The following DGLUCY variants were observed in gnomAD, a reference collection of about 807,000 sequenced individuals.
DGLUCY encodes the protein D-glutamate cyclase.
Under a neutral mutation model 58.5 loss-of-function variants are expected in DGLUCY, and 58 were observed. That is an observed-to-expected ratio of 0.99 (90% CI 0.80 to 1.23). The LOEUF (loss-of-function observed/expected upper bound fraction) is 1.23, where lower values mean the gene tolerates loss of function less well. DGLUCY is among the 50% of genes most tolerant of loss of function. DGLUCY has a pLI of 0.00. For missense variants in DGLUCY, 779 were observed against 784.7 expected (o/e 0.99, Z 0.09); for synonymous variants, 325 against 314.1 (o/e 1.03, Z -0.37).
chr14:91,109,633 A>C (rs2044660016), upstream of DGLUCY, among the ~76,000 whole-genome samples: 1 of 152,150 alleles, frequency 6.6e-6, no homozygotes, highest in Non-Finnish European at 1.5e-5. Context: ...TGGCTCCCAG[A>C]TGGCCACCTT....
rs1340893149 is a variant in DGLUCY, at chr14:91,191,893, G to A, written c.1195+2723G>A. 2.6e-5 allele frequency among the ~76,000 whole-genome samples: 4 copies of A among 152,114 alleles called. No individual in the cohort carries two copies. The East Asian group carries it at 7.7e-4, about 29-fold the overall frequency. ...GGTTTAGGGGTAAATCAAGAGTCCA[G>A]GTTTGACATTTGCGCCCTGATGGAA... is the stretch of plus-strand genomic sequence containing the variant. On this transcript the variant is annotated intron_variant, in intron 9 of 13. Transcript: ENST00000256324.
At chr14:91,215,908 G>A (rs746878703) in intron 13 of DGLUCY, 1 of 476,770 alleles carries the variant, frequency 2.1e-6, no homozygotes. Flanking sequence ...CATACTGTTA[G>A]TGGTGGGCAG....
intron 1 of DGLUCY, among the ~76,000 whole-genome samples, chr14:91,135,680 A>G (rs12883886): frequency 0.59 from 82,737 of 141,184 alleles, 24,967 homozygotes; most frequent in East Asian, 0.92. Context: ...AAAAACAAGT[A>G]TGGTATAGGC....
intron 5 of DGLUCY, among the ~76,000 whole-genome samples, chr14:91,172,107 G>A (rs2048602966): frequency 6.6e-6 from 1 of 151,946 alleles, no homozygotes; most frequent in South Asian, 2.1e-4. Flanking sequence ...TTGCTCAGTT[G>A]CCCAGGCTGG....
At chr14:91,169,513 G>A (rs1432329388) in intron 4 of DGLUCY, among the ~76,000 whole-genome samples, 1 of 151,736 alleles carries the variant, frequency 6.6e-6, no homozygotes, top group African/African-American at 2.4e-5. Context: ...AGGTTCAAGC[G>A]ATTCTCCTGC....
intron 1 of DGLUCY, among the ~76,000 whole-genome samples, chr14:91,150,814 G>C (rs1004016722): frequency 1.3e-5 from 2 of 152,142 alleles, no homozygotes; most frequent in Non-Finnish European, 2.9e-5. Flanking sequence ...ACAACATACA[G>C]TTTACCATTT....
intron 1 of DGLUCY, among the ~76,000 whole-genome samples, chr14:91,124,127 C>T (rs1472158397): frequency 6.6e-6 from 1 of 151,872 alleles, no homozygotes; most frequent in Non-Finnish European, 1.5e-5. Flanking sequence ...GGGGTTTCAC[C>T]ATGTTGGCTG....
intron 1 of DGLUCY, among the ~76,000 whole-genome samples, chr14:91,097,468 T>C (rs982477573): frequency 6.6e-6 from 1 of 152,168 alleles, no homozygotes; most frequent in African/African-American, 2.4e-5. Context: ...TCCATGAATA[T>C]GCAAAAAATT....
intron 1 of DGLUCY, among the ~76,000 whole-genome samples, chr14:91,077,486 G>A (rs1198264032): frequency 6.6e-6 from 1 of 151,824 alleles, no homozygotes; most frequent in Admixed American, 6.6e-5. Flanking sequence ...GGGCACGGTG[G>A]CTCACACCTG....
intron 1 of DGLUCY, among the ~76,000 whole-genome samples, chr14:91,126,926 G>A (rs2045721210): frequency 6.6e-6 from 1 of 152,054 alleles, no homozygotes; most frequent in Admixed American, 6.6e-5. Flanking sequence ...TGACTGCCTG[G>A]CATCCATCCA....
chr14:91,211,735 T>C (rs1176418057), intron 12 of DGLUCY, among the ~76,000 whole-genome samples: 2 of 152,224 alleles, frequency 1.3e-5, no homozygotes, highest in East Asian at 3.8e-4. Context: ...ATAAAACTCC[T>C]GTAAGGTAAC....
intron 1 of DGLUCY, among the ~76,000 whole-genome samples, chr14:91,146,513 T>A (rs2047021615): frequency 6.6e-6 from 1 of 152,032 alleles, no homozygotes; most frequent in South Asian, 2.1e-4. Flanking sequence ...CGAAAACATC[T>A]CATATGGGGC....
chr14:91,173,625 C>A, intron 6 of DGLUCY, 186 bp downstream of exon 6: 2 of 736,692 alleles, frequency 2.7e-6, no homozygotes, highest in Non-Finnish European at 4.1e-6. Flanking sequence ...GAGTTTGCCA[C>A]GTTCCTAAGC....
chr14:91,062,558 A>AAAT (rs1555386902), intron 1 of DGLUCY, among the ~76,000 whole-genome samples: 7 of 23,696 alleles, frequency 3.0e-4, no homozygotes, highest in Non-Finnish European at 3.8e-4. Flanking sequence ...AAAAAAAAAA[A>AAAT]ATATATATAT....
At position 91,199,870 on chromosome 14, in the gene DGLUCY, T is replaced by C; in HGVS notation, c.1409T>C (p.Leu470Pro). Reference sequence around the variant, plus strand: ...GTTGACCCCATTGACGATCTTTTTCTTGCTGCGAAGAAGATTCCTGGAATC... The same window carrying C: ...GTTGACCCCATTGACGATCTTTTTCCTGCTGCGAAGAAGATTCCTGGAATC... ...HLVDPIDDLF[L>P]AAKKIPGISS... The change falls in exon 11 of 14, where the codon CTT becomes CCT. Residue 470 changes from leucine to proline, a missense_variant. Leu to Pro is a moderately conservative substitution (Grantham distance 98). Coordinates refer to ENST00000256324, the MANE Select transcript of DGLUCY (RefSeq NM_001102368.3). 1.2e-6 allele frequency: 2 copies of C among 1,614,208 alleles called. No individual in the cohort carries two copies. The highest frequency in any genetic ancestry group is 1.7e-6 in the Non-Finnish European group (2 of 1,180,036).
chr14:91,206,616 C>G (rs1884749848), intron 12 of DGLUCY, among the ~76,000 whole-genome samples: 1 of 152,084 alleles, frequency 6.6e-6, no homozygotes, highest in African/African-American at 2.4e-5. Flanking sequence ...CTCCTGACCT[C>G]AGGTGATCCA....
At chr14:91,207,350 A>T (rs896989490) in intron 12 of DGLUCY, among the ~76,000 whole-genome samples, 1 of 152,156 alleles carries the variant, frequency 6.6e-6, no homozygotes, top group Non-Finnish European at 1.5e-5. Context: ...GGGAAAAAAA[A>T]ACCCACAACA....
intron 1 of DGLUCY, among the ~76,000 whole-genome samples, chr14:91,117,076 G>C (rs976094991): frequency 3.3e-5 from 5 of 152,172 alleles, no homozygotes; most frequent in African/African-American, 9.7e-5. Flanking sequence ...CAGGAAACGG[G>C]TGGGCAATTC....
At chr14:91,127,437 G>C (rs1459019947) in intron 1 of DGLUCY, among the ~76,000 whole-genome samples, 1 of 152,220 alleles carries the variant, frequency 6.6e-6, no homozygotes, top group Non-Finnish European at 1.5e-5. Context: ...TCTGGACCTT[G>C]TCCTCGCTGC....
Sources: gnomAD v4.1 joint callset for allele counts (sites outside exome capture counted in the v4.1 genomes callset) on GRCh38, gnomAD v4.1.1 for gene constraint, MANE v1.5 for transcripts, NCBI Gene and HGNC (gene_info 2026-07-23, HGNC 2026-07-21) for gene names.